QRICH2: variants seen among roughly 807,000 people sequenced by gnomAD.
The protein encoded by QRICH2 is glutamine rich 2.
A neutral mutation model predicts 168.3 loss-of-function variants in QRICH2; 119 were observed. That is an observed-to-expected ratio of 0.71 (90% CI 0.61 to 0.82). The LOEUF is 0.82. QRICH2 is among the 40% of genes least tolerant of loss of function. The probability of loss-of-function intolerance (pLI) is 0.00; values close to 1 mark genes in which losing one functional copy is unlikely to be tolerated. For synonymous variants in QRICH2, 894 were observed against 951.2 expected, an observed-to-expected ratio of 0.94 and a Z score of 1.11; for missense variants, 2,241 against 2,491.6, an observed-to-expected ratio of 0.90 and a Z score of 2.14.
chr17:76,277,205 G>A lies in QRICH2; in HGVS notation c.5223C>T (p.Pro1741=), dbSNP rs1421041544. 6.2e-7 allele frequency: 1 copy of A among 1,604,008 alleles called. No individual in the cohort carries two copies. The stretch of plus-strand genomic sequence containing the variant: ...TCTCTTCAGTAGGATACAGGCCCCG[G>A]GGAAGGTGCTGCGGGCGGCTGCGGT... ...PYHRSRPQHL[P]RGLYPTEEIQ... Residue 1741 remains proline (P), a synonymous_variant, in exon 16 of 19, where the codon CCC becomes CCT. Coordinates refer to ENST00000680821, the MANE Select transcript of QRICH2 (RefSeq NM_001388453.1).
Position 76,292,205 on chromosome 17 carries a change from A to G in QRICH2, c.2522T>C (p.Leu841Ser). 1 of 1,525,394 alleles carries G rather than the reference A, an allele frequency of 6.6e-7. No homozygotes were observed. Among genetic ancestry groups the G allele is most frequent in the Non-Finnish European group, 8.9e-7 (1 of 1,122,976 alleles). The allele number at this position is 1,525,394 out of a possible 1,614,324, so 94.5% of individuals were successfully genotyped here. Residue 841 changes from leucine to serine, a missense_variant, in exon 4 of 19, where the codon TTG becomes TCG. This residue lies in a region of QRICH2 where 2,047 missense variants were observed against 2,303.8 expected (regional missense o/e 0.89). Transcript: ENST00000680821. Reference protein sequence around the residue: ...LVQPGAVQRGLVQPGAVQHGL... With the variant: ...LVQPGAVQRGSVQPGAVQHGL... ...ATGCTGAACTGCACCAGGTTGGACC[A>G]AACCACGCTGAACTGCACCAGGTTG...
rs368576920 is a variant in QRICH2, at chr17:76,276,732, G to A, written c.5301C>T (p.His1767=). 4 of 1,613,512 alleles carry A rather than the reference G, an allele frequency of 2.5e-6. No homozygotes were observed. The highest frequency in any genetic ancestry group is 3.4e-6 in the Non-Finnish European group (4 of 1,179,988). Residue 1767 remains histidine, a synonymous_variant, in exon 17 of 19, where the codon CAC becomes CAT. Transcript: ENST00000680821. Reference sequence around the variant, plus strand: ...TTGTGTCCATCCGTCCCTTGTAAATGTGGCCATCCAGGCCCAAGATGTCCA... The same window carrying A: ...TTGTGTCCATCCGTCCCTTGTAAATATGGCCATCCAGGCCCAAGATGTCCA... The part of the protein sequence containing the change: ...DEVDILGLDG[H]IYKGRMDTRL...
rs777818702 is a variant in QRICH2 at position 76,293,835 on chromosome 17, C to T, written c.892G>A (p.Val298Ile). 3.1e-6 allele frequency: 5 copies of T among 1,614,082 alleles called. No individual in the cohort carries two copies. Among genetic ancestry groups the T allele is most frequent in the Middle Eastern group, 1.6e-4 (1 of 6,062 alleles). Residue 298 changes from valine (V) to isoleucine (I), a missense_variant, in exon 4 of 19, where the codon GTT becomes ATT. Val to Ile is a conservative substitution (Grantham distance 29, BLOSUM62 3). Coordinates refer to ENST00000680821, the MANE Select transcript of QRICH2 (RefSeq NM_001388453.1). ...SGGTAHPSDG[V>I]SSREQSKVPS... is the part of the protein sequence containing the mutation. ...ACCTTGCTTTGTTCCCTACTGGAAACCCCATCAGAGGGGTGTGCTGTGCCA... is the reference window on the plus strand; with the variant it reads ...ACCTTGCTTTGTTCCCTACTGGAAATCCCATCAGAGGGGTGTGCTGTGCCA...
chr17:76,309,355 CAA>C (rs371703805), upstream of QRICH2: 28 of 108,796 alleles, frequency 2.6e-4, no homozygotes, highest in Admixed American at 3.0e-4. Flanking sequence ...GACTCTGTCT[CAA>C]AAAAAAAAAA....
chr17:76,300,235 GACACCTTTAA>G (rs1272358026), intron 3 of QRICH2, among the ~76,000 whole-genome samples: 2 of 152,130 alleles, frequency 1.3e-5, no homozygotes, highest in Non-Finnish European at 2.9e-5. Flanking sequence ...CATAAGCATA[GACACCTTTAA>G]ACATTTTTAC....
At chr17:76,304,608 C>T in intron 2 of QRICH2, 83 bp from the exon 3 acceptor site, 1 of 990,690 alleles carries the variant, frequency 1.0e-6, no homozygotes, top group Non-Finnish European at 1.6e-6. Context: ...CTAACAGGAT[C>T]TGGGTGGGTC....
Position 76,291,874 on chromosome 17 carries a change from T to C in QRICH2, c.2853A>G (p.Leu951=), listed in dbSNP as rs771801363. The change falls in exon 4 of 19, where the codon TTA becomes TTG. Residue 951 remains leucine (L), a synonymous_variant. Transcript: ENST00000680821. Reference sequence around the variant, plus strand: ...CACGTGGATATGTCCCAGATTGAGATAAATCATGCAAATATGCACCAGGTT... The same window carrying C: ...CACGTGGATATGTCCCAGATTGAGACAAATCATGCAAATATGCACCAGGTT... ...LVQPGAYLHD[L]SQSGTYPRGL... is the part of the protein sequence containing the mutation. 37 of 1,613,814 alleles carry C rather than the reference T, an allele frequency of 2.3e-5. No individual in the cohort carries two copies. Among genetic ancestry groups the C allele is most frequent in the Admixed American group, 1.0e-4 (6 of 59,962 alleles).
At chr17:76,305,165 C>CTTTT (rs371179936) in intron 1 of QRICH2, among the ~76,000 whole-genome samples, 5,267 of 129,900 alleles carry the variant, frequency 0.041, 513 homozygotes, top group African/African-American at 0.15. Flanking sequence ...TTTTGGTTTC[C>CTTTT]TTTTTTTTTT....
intron 4 of QRICH2, 71 bp downstream of exon 4, chr17:76,290,944 G>C (rs988616199): frequency 4.1e-5 from 64 of 1,559,070 alleles, no homozygotes; most frequent in Non-Finnish European, 5.3e-5. Context: ...GTTGAGGCCA[G>C]GGGAAGAAAA....
In QRICH2 at chr17:76,279,118, A is replaced by G. The variant is rs771374957; in HGVS notation, c.4839T>C (p.Gly1613=). Residue 1613 remains glycine (G), a synonymous_variant, in exon 14 of 19, where the codon GGT becomes GGC. Transcript: ENST00000680821. ...TGGAATGGTGCCCAGGTAGGCCTGG[A>G]CCCGCGGGGGTCACGGGGATGGCAC... ...TGHAIPVTPA[G]PGLPGHHSIR... The G allele has an allele frequency of 6.2e-7, 1 of 1,613,478 alleles. No individual in the cohort carries two copies. Among genetic ancestry groups the G allele is most frequent in the East Asian group, 2.2e-5 (1 of 44,872 alleles).
At chr17:76,296,825 A>C (rs1214859379) in intron 3 of QRICH2, among the ~76,000 whole-genome samples, 1 of 151,922 alleles carries the variant, frequency 6.6e-6, no homozygotes, top group Non-Finnish European at 1.5e-5. Context: ...AGATGACAGA[A>C]AGCCCACTCC....
At chr17:76,295,784 T>C (rs2070784701) in intron 3 of QRICH2, among the ~76,000 whole-genome samples, 1 of 152,134 alleles carries the variant, frequency 6.6e-6, no homozygotes. Context: ...CTTGATAAAA[T>C]AGATCATCAA....
chr17:76,308,125 G>C lies in QRICH2; in HGVS notation c.-127C>G, dbSNP rs1015588944. On this transcript the variant is annotated 5_prime_UTR_variant, in exon 1 of 19. Transcript: ENST00000680821. Reference sequence around the variant, plus strand: ...TCGGGGCGCCCCTGCCCCGGGTCCGGCCGAGTCACTGGACAGAGCTCCTGC... The same window carrying C: ...TCGGGGCGCCCCTGCCCCGGGTCCGCCCGAGTCACTGGACAGAGCTCCTGC... 76 of 1,215,148 alleles carry C rather than the reference G, an allele frequency of 6.3e-5. No individual in the cohort carries two copies. The highest frequency in any genetic ancestry group is 7.3e-5 in the Non-Finnish European group (72 of 980,932). 75.3% of individuals were successfully genotyped at this position (1,215,148 alleles called of 1,614,324 possible). A position where few individuals can be genotyped will look rare whatever the true frequency, so the allele number is the denominator to read the frequency against.
intron 14 of QRICH2, among the ~76,000 whole-genome samples, chr17:76,278,527 A>G (rs1393223667): frequency 6.6e-6 from 1 of 152,262 alleles, no homozygotes; most frequent in East Asian, 1.9e-4. Context: ...GGGCTCCAAG[A>G]GCAGCCTGAA....
At chr17:76,279,012 T>C (rs762760203) in intron 14 of QRICH2, 29 bp downstream of exon 14, 1 of 1,581,354 alleles carries the variant, frequency 6.3e-7, no homozygotes, top group Non-Finnish European at 8.7e-7. Flanking sequence ...CCCGGACCCA[T>C]ATGTCCCATA....
intron 12 of QRICH2, 112 bp from the exon 13 acceptor site, chr17:76,279,540 C>T (rs1598478511): frequency 1.3e-6 from 1 of 773,612 alleles, no homozygotes; most frequent in East Asian, 2.7e-5. Flanking sequence ...CAGATCATGT[C>T]CCTGCTCCCC....
chr17:76,307,845 G>A lies in QRICH2; in HGVS notation c.154C>T (p.Pro52Ser), dbSNP rs2071015395. 2.3e-6 allele frequency: 3 copies of A among 1,280,354 alleles called. No individual in the cohort carries two copies. Among genetic ancestry groups the A allele is most frequent in the Admixed American group, 3.8e-5 (1 of 26,098 alleles). 79.3% of individuals were successfully genotyped at this position (1,280,354 alleles called of 1,614,324 possible). A position where few individuals can be genotyped will look rare whatever the true frequency, so the allele number is the denominator to read the frequency against. Residue 52 changes from proline (P) to serine (S), a missense_variant, in exon 1 of 19, where the codon CCC becomes TCC. This residue lies in a region of QRICH2 where 2,047 missense variants were observed against 2,303.8 expected (regional missense o/e 0.89). Transcript: ENST00000680821. This position sits in a 1 kb window ranked among gnomAD's most constrained non-coding sequence, Gnocchi z 5.3. ...DLQNTRIDFQ[P>S]SSPEPSRSLQ... ...GAGCGGCTGGGCTCGGGCGACGAGG[G>A]CTGGAAGTCGATCCGGGTATTTTGG...
At chr17:76,309,702 A>G (rs1168288724), upstream of QRICH2, 2 of 152,234 alleles carry the variant, frequency 1.3e-5, no homozygotes, top group Non-Finnish European at 2.9e-5. Context: ...ATATTGCAGT[A>G]GGTATTACAA....
intron 3 of QRICH2, among the ~76,000 whole-genome samples, chr17:76,300,599 T>C (rs998849716): frequency 5.9e-5 from 9 of 152,156 alleles, no homozygotes; most frequent in Non-Finnish European, 1.0e-4. Flanking sequence ...GGTGACTTTA[T>C]GGAAATTGTG....
Sources: gnomAD v4.1 joint callset for allele counts (sites outside exome capture counted in the v4.1 genomes callset) on GRCh38, gnomAD v4.1.1 for gene constraint, gnomAD v4.1.1 regional missense constraint, Gnocchi (gnomAD v3.1) non-coding constraint, MANE v1.5 for transcripts, NCBI Gene and HGNC (gene_info 2026-07-23, HGNC 2026-07-21) for gene names.